The following ACVR1C variants were observed in gnomAD, a reference collection of about 807,000 sequenced individuals.
The protein encoded by ACVR1C is activin A receptor type 1C.
Under a neutral mutation model 57.9 loss-of-function variants are expected in ACVR1C, and 23 were observed. The observed-to-expected ratio is 0.40, with a 90% CI of 0.29 to 0.56. The LOEUF (loss-of-function observed/expected upper bound fraction) is 0.56. Ranked by LOEUF, ACVR1C falls within the 20% of genes least tolerant of loss-of-function variation. The probability of loss-of-function intolerance (pLI) is 0.50; values close to 1 mark genes in which losing one functional copy is unlikely to be tolerated. For synonymous variants in ACVR1C, 214 were observed against 215.3 expected (o/e 0.99, Z 0.05); for missense variants, 480 against 607.9 (o/e 0.79, Z 2.21).
chr2:157,558,330 C>G (rs1385582357), intron 2 of ACVR1C, among the ~76,000 whole-genome samples: 1 of 152,194 alleles, frequency 6.6e-6, no homozygotes, highest in Non-Finnish European at 1.5e-5. Flanking sequence ...CGCCATTCTC[C>G]AGATGTCCTC....
chr2:157,601,135 T>C (rs564665358), intron 1 of ACVR1C, among the ~76,000 whole-genome samples: 21 of 151,938 alleles, frequency 1.4e-4, no homozygotes, highest in Admixed American at 1.2e-3. Flanking sequence ...CTAGCCAACA[T>C]GTTAAAACCC....
At chr2:157,558,109 GAGA>G (rs1180385319) in intron 2 of ACVR1C, among the ~76,000 whole-genome samples, 6 of 152,120 alleles carry the variant, frequency 3.9e-5, no homozygotes, top group African/African-American at 1.4e-4. Flanking sequence ...AAACATCAAG[GAGA>G]AGGAGAGGAA....
In ACVR1C at chr2:157,628,698, CCGGGGCAGCA is replaced by C; in HGVS notation, c.-64_-55del. The C allele has an allele frequency of 6.9e-7, 1 of 1,449,006 alleles. No homozygotes were observed. Among genetic ancestry groups the C allele is most frequent in the South Asian group, 1.4e-5 (1 of 72,190 alleles). The allele number at this position is 1,449,006 out of a possible 1,614,324, so 89.8% of individuals were successfully genotyped here. A position where few individuals can be genotyped will look rare whatever the true frequency, so the allele number is the denominator to read the frequency against. ...GAGGCCCCAGAGCAGAGCGAGGCAGCCGGGGCAGCACGGCCCGCTTTGAAGTTCCCGGGCC... is the reference window on the plus strand; with the variant it reads ...GAGGCCCCAGAGCAGAGCGAGGCAGCCGGCCCGCTTTGAAGTTCCCGGGCC... On this transcript the variant is annotated 5_prime_UTR_variant, in exon 1 of 9. Coordinates refer to ENST00000243349, the MANE Select transcript of ACVR1C (RefSeq NM_145259.3).
At chr2:157,608,726 T>G (rs945218449) in intron 1 of ACVR1C, among the ~76,000 whole-genome samples, 14 of 151,992 alleles carry the variant, frequency 9.2e-5, no homozygotes, top group Non-Finnish European at 1.8e-4. Context: ...TTCCAGGAAT[T>G]TATCCATTTC....
chr2:157,546,337 C>T (rs1342175436), intron 4 of ACVR1C, among the ~76,000 whole-genome samples: 2 of 152,172 alleles, frequency 1.3e-5, no homozygotes, highest in Admixed American at 1.3e-4. Context: ...GCCATCTTGC[C>T]TTTACCCCAT....
rs1354545806 is a variant in ACVR1C, at chr2:157,529,347, GT to G, written c.*4570del. On this transcript the variant is annotated 3_prime_UTR_variant, in exon 9 of 9. Coordinates refer to ENST00000243349, the MANE Select transcript of ACVR1C (RefSeq NM_145259.3). Reference sequence around the variant, plus strand: ...TACAACTCTTTCTTAGCCTAGTTTAGTTTTTCTCATTGACCTCACTCTGAGT... The same window carrying G: ...TACAACTCTTTCTTAGCCTAGTTTAGTTTTCTCATTGACCTCACTCTGAGT... 1 of 152,082 alleles carries G rather than the reference GT, an allele frequency of 6.6e-6. No individual in the cohort carries two copies. The highest frequency in any genetic ancestry group is 2.4e-5 in the African/African-American group (1 of 41,428). 9.4% of individuals were successfully genotyped at this position (152,082 alleles called of 1,614,324 possible).
intron 1 of ACVR1C, among the ~76,000 whole-genome samples, chr2:157,600,977 A>T (rs888025795): frequency 6.6e-6 from 1 of 151,550 alleles, no homozygotes; most frequent in East Asian, 1.9e-4. Context: ...AATGCTTTTT[A>T]AAAATATAGT....
chr2:157,563,905 C>T (rs543435985), intron 2 of ACVR1C, among the ~76,000 whole-genome samples: 1 of 152,182 alleles, frequency 6.6e-6, no homozygotes, highest in Admixed American at 6.5e-5. Context: ...GGAGAACTGG[C>T]TAGCCATATG....
rs116251994 is a variant in ACVR1C, at chr2:157,537,012, T to C, written c.1356+1561A>G. On this transcript the variant is annotated intron_variant, in intron 8 of 8. Coordinates refer to ENST00000243349, the MANE Select transcript of ACVR1C (RefSeq NM_145259.3). ...TCATAGATATAGCACATGCTTCTAT[T>C]GTATGGAATACTACACAGCAATGAA... Among the ~76,000 whole-genome samples, 470 of 152,262 alleles carry C rather than the reference T, an allele frequency of 3.1e-3. 4 individuals carry two copies. The highest frequency in any genetic ancestry group is 0.011 in the African/African-American group (437 of 41,574).
At chr2:157,554,277 AAGGAAG>A (rs1319944780) in intron 3 of ACVR1C, among the ~76,000 whole-genome samples, 18 of 135,502 alleles carry the variant, frequency 1.3e-4, no homozygotes, top group African/African-American at 4.3e-4. Context: ...GAAAGGAAGG[AAGGAAG>A]AGAGAGAGAG....
At chr2:157,602,675 T>C (rs1357140002) in intron 1 of ACVR1C, among the ~76,000 whole-genome samples, 1 of 152,200 alleles carries the variant, frequency 6.6e-6, no homozygotes, top group Non-Finnish European at 1.5e-5. Flanking sequence ...TTTTTAGTAA[T>C]ATTTATTTAG....
At chr2:157,540,374 T>C (rs1325204052) in intron 7 of ACVR1C, among the ~76,000 whole-genome samples, 1 of 152,170 alleles carries the variant, frequency 6.6e-6, no homozygotes, top group Non-Finnish European at 1.5e-5. Context: ...ATTTTTTTTT[T>C]TTTGAGACAG....
rs1688611160 is a variant in ACVR1C, at chr2:157,575,124, G to A, written c.304+12063C>T. On this transcript the variant is annotated intron_variant, in intron 2 of 8. Transcript: ENST00000243349. Reference sequence around the variant, plus strand: ...CTACAAGTGTGCACCACCATACCCGGCAAGTTCTTTTTTTTTTTTTTTTGA... The same window carrying A: ...CTACAAGTGTGCACCACCATACCCGACAAGTTCTTTTTTTTTTTTTTTTGA... Among the ~76,000 whole-genome samples the A allele has an allele frequency of 4.0e-5, 6 of 149,222 alleles. No individual in the cohort carries two copies. In the South Asian group the frequency reaches 1.3e-3, roughly 32 times the overall value.
In ACVR1C at chr2:157,533,826, T is replaced by C; in HGVS notation, c.*92A>G. On this transcript the variant is annotated 3_prime_UTR_variant, in exon 9 of 9. Coordinates refer to ENST00000243349, the MANE Select transcript of ACVR1C (RefSeq NM_145259.3). ...ATACTGTACTGTCTTATCTTTGAGG[T>C]AGAACAAAAAAAAAATGGCAAAAAC... 2.3e-6 allele frequency: 3 copies of C among 1,322,638 alleles called. No individual in the cohort carries two copies. Among genetic ancestry groups the C allele is most frequent in the Non-Finnish European group, 3.0e-6 (3 of 999,096 alleles). The allele number at this position is 1,322,638 out of a possible 1,614,324, so 81.9% of individuals were successfully genotyped here.
At chr2:157,576,955 C>T (rs1432325459) in intron 2 of ACVR1C, among the ~76,000 whole-genome samples, 1 of 80,466 alleles carries the variant, frequency 1.2e-5, no homozygotes, top group African/African-American at 5.7e-5. Flanking sequence ...CCCGGGTTCA[C>T]GCCATTCTCC....
At position 157,531,881 on chromosome 2, in the gene ACVR1C, G is replaced by C. The variant is rs1298809000; in HGVS notation, c.*2037C>G. Reference sequence around the variant, plus strand: ...AGACATCCCACTTCGTATTTTATCTGTCAATTTAATCTCTTCCCCCACACA... The same window carrying C: ...AGACATCCCACTTCGTATTTTATCTCTCAATTTAATCTCTTCCCCCACACA... On this transcript the variant is annotated 3_prime_UTR_variant, in exon 9 of 9. Coordinates refer to ENST00000243349, the MANE Select transcript of ACVR1C (RefSeq NM_145259.3). 1 of 151,998 alleles carries C rather than the reference G, an allele frequency of 6.6e-6. No homozygotes were observed. Among genetic ancestry groups the C allele is most frequent in the Non-Finnish European group, 1.5e-5 (1 of 67,970 alleles). 9.4% of individuals were successfully genotyped at this position (151,998 alleles called of 1,614,324 possible).
intron 2 of ACVR1C, among the ~76,000 whole-genome samples, chr2:157,559,106 T>C (rs1688175809): frequency 6.6e-6 from 1 of 152,208 alleles, no homozygotes; most frequent in African/African-American, 2.4e-5. Context: ...AGAGCTCAGA[T>C]CATCACTATA....
intron 3 of ACVR1C, among the ~76,000 whole-genome samples, chr2:157,555,456 A>C (rs2105224406): frequency 6.6e-6 from 1 of 152,338 alleles, no homozygotes; most frequent in African/African-American, 2.4e-5. Flanking sequence ...CTGGAGTTCC[A>C]TTAAAGAGGA....
rs1303063895 is a variant in ACVR1C, at chr2:157,533,262, T to C, written c.*656A>G. Reference sequence around the variant, plus strand: ...TCAGTGTCTCAGGATGTCAGGTATCTCTTTTGTAAATGAAAGGAACAAGTT... The same window carrying C: ...TCAGTGTCTCAGGATGTCAGGTATCCCTTTTGTAAATGAAAGGAACAAGTT... On this transcript the variant is annotated 3_prime_UTR_variant, in exon 9 of 9. Transcript: ENST00000243349. The C allele has an allele frequency of 6.6e-6, 1 of 152,188 alleles. No homozygotes were observed. Among genetic ancestry groups the C allele is most frequent in the African/African-American group, 2.4e-5 (1 of 41,436 alleles). The allele number at this position is 152,188 out of a possible 1,614,324, so 9.4% of individuals were successfully genotyped here. A position where few individuals can be genotyped will look rare whatever the true frequency, so the allele number is the denominator to read the frequency against.
Sources: gnomAD v4.1 joint callset for allele counts (sites outside exome capture counted in the v4.1 genomes callset) on GRCh38, gnomAD v4.1.1 for gene constraint, MANE v1.5 for transcripts, NCBI Gene and HGNC (gene_info 2026-07-23, HGNC 2026-07-21) for gene names.